The following FSCN2 variants were observed in gnomAD, a reference collection of about 807,000 sequenced individuals.
FSCN2 encodes the protein fascin actin-bundling protein 2, retinal.
A neutral mutation model predicts 37.8 loss-of-function variants in FSCN2; 46 were observed. That is an observed-to-expected ratio of 1.22 (90% CI 0.96 to 1.56). FSCN2 has a LOEUF of 1.56. FSCN2 is among the 40% of genes most tolerant of loss of function. The probability of loss-of-function intolerance (pLI) is 0.00; values close to 1 mark genes in which losing one functional copy is unlikely to be tolerated. For missense variants in FSCN2, 844 were observed against 730.4 expected (o/e 1.16, Z -1.79); for synonymous variants, 351 against 309.4 (o/e 1.13, Z -1.41).
upstream of FSCN2, among the ~76,000 whole-genome samples, chr17:81,524,991 T>C (rs1477530203): frequency 6.6e-6 from 1 of 151,834 alleles, no homozygotes; most frequent in Non-Finnish European, 1.5e-5. Flanking sequence ...AACCCGGCCC[T>C]GTGCTGGGGT....
chr17:81,528,298 C>T (rs781892861), upstream of FSCN2: 13 of 561,524 alleles, frequency 2.3e-5, no homozygotes, highest in African/African-American at 3.8e-5. Flanking sequence ...CTAAGCCGCA[C>T]GTCTCTGATC....
At chr17:81,515,097 G>A in the FSCN2 span, among the ~76,000 whole-genome samples, 1 of 151,022 alleles carries the variant, frequency 6.6e-6, no homozygotes, top group African/African-American at 2.4e-5. Context: ...CGGCGGCGGG[G>A]ATGCGGGTCT....
intron 2 of FSCN2, among the ~76,000 whole-genome samples, chr17:81,535,695 T>C: frequency 2.0e-4 from 2 of 9,786 alleles, no homozygotes; most frequent in Non-Finnish European, 1.9e-4. Context: ...CATCCCCATC[T>C]CTGCCATCCC....
In FSCN2 at chr17:81,536,918, G is replaced by A. The variant is rs1446912375; in HGVS notation, c.1317G>A (p.Val439=). Residue 439 remains valine, a synonymous_variant, in exon 5 of 5, where the codon GTG becomes GTA. Transcript: ENST00000417245. The part of the protein sequence containing the change: ...GFWYTGSHGS[V]CSDGERAEDF... ...GGTACACGGGCAGCCACGGCAGCGT[G>A]TGCAGCGACGGCGAACGCGCCGAGG... 2 of 1,575,400 alleles carry A rather than the reference G, an allele frequency of 1.3e-6. No individual in the cohort carries two copies.
chr17:81,521,666 C>T, the FSCN2 span, among the ~76,000 whole-genome samples: 1 of 152,186 alleles, frequency 6.6e-6, no homozygotes, highest in Non-Finnish European at 1.5e-5. Context: ...GCCACCACAC[C>T]CAGCCTTTGT....
Position 81,528,758 on chromosome 17 carries a change from G to T in FSCN2, c.227G>T (p.Arg76Leu). The T allele has an allele frequency of 6.3e-7, 1 of 1,582,848 alleles. No homozygotes were observed. ...GRYLSAEEDG[R>L]VACEAEQPGR... Reference sequence around the variant, plus strand: ...TACCTGTCGGCAGAAGAGGACGGGCGCGTGGCCTGTGAGGCAGAGCAGCCG... The same window carrying T: ...TACCTGTCGGCAGAAGAGGACGGGCTCGTGGCCTGTGAGGCAGAGCAGCCG... Residue 76 changes from arginine (R) to leucine (L), a missense_variant, in exon 1 of 5, where the codon CGC becomes CTC. By Grantham distance (102) the Arg-to-Leu change is moderately radical (BLOSUM62 -2). Coordinates refer to ENST00000417245, the MANE Select transcript of FSCN2 (RefSeq NM_012418.4).
At chr17:81,519,380 C>T in the FSCN2 span, among the ~76,000 whole-genome samples, 3,747 of 152,294 alleles carry the variant, frequency 0.025, 152 homozygotes, top group African/African-American at 0.086. Flanking sequence ...ACGCACTTCC[C>T]CCGCCGAGCA....
chr17:81,522,034 C>G, the FSCN2 span, among the ~76,000 whole-genome samples: 1 of 152,072 alleles, frequency 6.6e-6, no homozygotes, highest in Non-Finnish European at 1.5e-5. Context: ...GAGTCTCACT[C>G]TGCACTCTGT....
chr17:81,535,866 T>C, intron 2 of FSCN2, among the ~76,000 whole-genome samples: 1 of 69,448 alleles, frequency 1.4e-5, no homozygotes, highest in African/African-American at 6.3e-5. Flanking sequence ...CATCCCCCTC[T>C]CCATCCCCAT....
At chr17:81,523,452 C>T (rs1395552306), upstream of FSCN2, among the ~76,000 whole-genome samples, 2 of 152,214 alleles carry the variant, frequency 1.3e-5, no homozygotes, top group Non-Finnish European at 2.9e-5. Flanking sequence ...ATCATGAGGT[C>T]GCCAGGCTGC....
upstream of FSCN2, among the ~76,000 whole-genome samples, chr17:81,526,323 G>A (rs2032349114): frequency 1.3e-5 from 2 of 152,172 alleles, no homozygotes; most frequent in Non-Finnish European, 2.9e-5. Context: ...CGGACCAACC[G>A]AGCTGTACCC....
rs1277967104 is a variant in FSCN2, at chr17:81,531,801, ATGGTGATGATGGTGG to A, written c.826+2453_826+2467del. Among the ~76,000 whole-genome samples the A allele has an allele frequency of 1.3e-4, 9 of 68,362 alleles. 1 individual carries two copies. The highest frequency in any genetic ancestry group is 1.5e-4 in the African/African-American group (3 of 19,418). The allele number at this position is 68,362 out of a possible 152,430, so 44.8% of individuals were successfully genotyped here. A position where few individuals can be genotyped will look rare whatever the true frequency, so the allele number is the denominator to read the frequency against. On this transcript the variant is annotated intron_variant, in intron 1 of 4. Transcript: ENST00000417245. ...GATGGTGATGATGGTGATGATGATA[ATGGTGATGATGGTGG>A]TGGTGATGGTGGTGGTGGTGATGGT...
rs773032377 is a variant in FSCN2, at chr17:81,537,014, C to G, written c.1413C>G (p.Gly471=). The change falls in exon 5 of 5, where the codon GGC becomes GGG. Residue 471 remains glycine (G), a synonymous_variant. Transcript: ENST00000417245. The stretch of plus-strand genomic sequence containing the variant: ...CCCGGAGCGGCAAGTACCTGCGCGG[C>G]GGCGCCTCGGGCCTGCTGCGGGCCG... ...IRARSGKYLR[G]GASGLLRADA... is the part of the protein sequence containing the mutation. The G allele has an allele frequency of 9.3e-6, 14 of 1,504,320 alleles. No homozygotes were observed. The highest frequency in any genetic ancestry group is 1.1e-5 in the Non-Finnish European group (12 of 1,133,030). 93.2% of individuals were successfully genotyped at this position (1,504,320 alleles called of 1,614,324 possible).
chr17:81,525,827 A>G (rs2032334218), upstream of FSCN2, among the ~76,000 whole-genome samples: 1 of 152,228 alleles, frequency 6.6e-6, no homozygotes, highest in African/African-American at 2.4e-5. Context: ...GAGAATCCAG[A>G]GGAAGCGATC....
chr17:81,532,897 C>T (rs1244000784), intron 1 of FSCN2, among the ~76,000 whole-genome samples: 1 of 152,126 alleles, frequency 6.6e-6, no homozygotes, highest in East Asian at 1.9e-4. Context: ...TACTCAAGAC[C>T]AGCTCCCATC....
At chr17:81,520,978 T>A in the FSCN2 span, among the ~76,000 whole-genome samples, 1 of 152,228 alleles carries the variant, frequency 6.6e-6, no homozygotes, top group Non-Finnish European at 1.5e-5. Flanking sequence ...TCTACTTTTT[T>A]AAACCTTCTG....
At position 81,535,152 on chromosome 17, in the gene FSCN2, T is replaced by C. The variant is rs927236880; in HGVS notation, c.927T>C (p.Thr309=). 6 of 1,533,872 alleles carry C rather than the reference T, an allele frequency of 3.9e-6. No homozygotes were observed. In the African/African-American group the frequency reaches 6.9e-5, roughly 18 times the overall value. ...AGAAGTGCACCTTCTATTCCAGCAC[T>C]GGGGGCTACTGGACCCTGGTCACCC... ...ETKKCTFYSS[T]GGYWTLVTHG... The change falls in exon 2 of 5, where the codon ACT becomes ACC. Residue 309 remains threonine, a synonymous_variant. Transcript: ENST00000417245.
the FSCN2 span, among the ~76,000 whole-genome samples, chr17:81,521,874 G>A: frequency 6.6e-6 from 1 of 152,194 alleles, no homozygotes. Flanking sequence ...GTATCACACT[G>A]TTTATCCAAT....
chr17:81,517,311 A>C, the FSCN2 span, among the ~76,000 whole-genome samples: 4 of 152,164 alleles, frequency 2.6e-5, no homozygotes, highest in African/African-American at 9.7e-5. Flanking sequence ...GGCCCGGCTC[A>C]GCCCTGTGCC....
Sources: allele counts gnomAD v4.1 joint callset (sites outside exome capture counted in the v4.1 genomes callset), GRCh38; gene constraint gnomAD v4.1.1; transcripts MANE v1.5; gene names NCBI Gene and HGNC (gene_info 2026-07-23, HGNC 2026-07-21).